SHOC2: variants seen among roughly 807,000 people sequenced by gnomAD.
SHOC2 encodes the protein SHOC2 leucine rich repeat scaffold protein.
SHOC2 carries 4 observed loss-of-function variants against 50.2 expected under a neutral mutation model. The observed-to-expected ratio is 0.08, with a 90% CI of 0.04 to 0.18. SHOC2 has a LOEUF of 0.18. Among genes scored for constraint, SHOC2 ranks in the 10% least tolerant of loss-of-function variants. SHOC2 has a pLI of 1.00. For missense variants in SHOC2, 388 were observed against 669.6 expected (o/e 0.58, Z 4.64); for synonymous variants, 218 against 244.5 (o/e 0.89, Z 1.01).
At chr10:110,953,853 T>G (rs190401447) in intron 1 of SHOC2, among the ~76,000 whole-genome samples, 2,574 of 151,648 alleles carry the variant, frequency 0.017, 30 homozygotes, top group Non-Finnish European at 0.025. Context: ...AATGGATATC[T>G]GGTGATACCT....
At chr10:111,004,555 A>G in intron 4 of SHOC2, 51 bp from the exon 5 acceptor site, 2 of 1,354,742 alleles carry the variant, frequency 1.5e-6, no homozygotes, top group South Asian at 1.2e-5. Context: ...TCTATAAAAA[A>G]TGAGTCTCAT....
chr10:110,963,594 G>T (rs566058364), intron 1 of SHOC2, among the ~76,000 whole-genome samples: 1 of 152,144 alleles, frequency 6.6e-6, no homozygotes, highest in Admixed American at 6.5e-5. Flanking sequence ...ATTAATTGTA[G>T]CTAGAACTGT....
intron 1 of SHOC2, chr10:110,937,263 T>C: frequency 1.2e-6 from 1 of 863,780 alleles, no homozygotes; most frequent in Non-Finnish European, 2.0e-6. Flanking sequence ...AAGCTGCTTT[T>C]TTTTTTTTTG....
chr10:110,939,851 G>A (rs980015501), intron 1 of SHOC2, among the ~76,000 whole-genome samples: 5 of 152,102 alleles, frequency 3.3e-5, no homozygotes, highest in Non-Finnish European at 5.9e-5. Context: ...TTTCCCAATT[G>A]AGCTACATCA....
Position 111,004,730 on chromosome 10 carries a change from G to T in SHOC2, c.1097G>T (p.Arg366Leu), listed in dbSNP as rs1219277268. ...TIYSLNMEHN[R>L]INKIPFGIFS... ...TATTCCCTCAACATGGAACACAATC[G>T]AATCAACAAAATTCCATTTGGAATT... is the stretch of plus-strand genomic sequence containing the variant. Residue 366 changes from arginine to leucine, a missense_variant, in exon 5 of 9, where the codon CGA becomes CTA. By Grantham distance (102) the Arg-to-Leu change is moderately radical. Coordinates refer to ENST00000369452, the MANE Select transcript of SHOC2 (RefSeq NM_007373.4). 1 of 1,613,584 alleles carries T rather than the reference G, an allele frequency of 6.2e-7. No homozygotes were observed. The highest frequency in any genetic ancestry group is 8.5e-7 in the Non-Finnish European group (1 of 1,179,628).
At chr10:110,963,913 T>C (rs1847620735) in intron 1 of SHOC2, among the ~76,000 whole-genome samples, 1 of 152,200 alleles carries the variant, frequency 6.6e-6, no homozygotes, top group South Asian at 2.1e-4. Context: ...CTTACATTCA[T>C]ACATCTTCCT....
At chr10:110,940,742 C>G (rs1847120447) in intron 1 of SHOC2, among the ~76,000 whole-genome samples, 1 of 151,930 alleles carries the variant, frequency 6.6e-6, no homozygotes, top group South Asian at 2.1e-4. Flanking sequence ...TTTTCTTTAA[C>G]AAATTGAGGA....
intron 1 of SHOC2, among the ~76,000 whole-genome samples, chr10:110,933,361 T>C (rs1279788734): frequency 6.6e-6 from 1 of 152,048 alleles, no homozygotes; most frequent in Non-Finnish European, 1.5e-5. Flanking sequence ...AAATTTTATA[T>C]ATATTTATGA....
intron 1 of SHOC2, chr10:110,919,980 C>A: frequency 1.3e-5 from 2 of 149,072 alleles, no homozygotes; most frequent in South Asian, 3.7e-4. Context: ...GCGGGCGGCC[C>A]GGACAGCGCC....
chr10:110,985,837 C>T, intron 3 of SHOC2, 72 bp downstream of exon 3: 2 of 1,314,644 alleles, frequency 1.5e-6, no homozygotes, highest in Non-Finnish European at 1.1e-6. Context: ...ATTTTTGATC[C>T]ATTTGGTAAT....
At position 110,964,340 on chromosome 10, in the gene SHOC2, T is replaced by C. The variant is rs1248461855; in HGVS notation, c.-19T>C. The C allele has an allele frequency of 1.9e-6, 3 of 1,611,380 alleles. No individual in the cohort carries two copies. Among genetic ancestry groups the C allele is most frequent in the Non-Finnish European group, 2.5e-6 (3 of 1,178,650 alleles). On this transcript the variant is annotated 5_prime_UTR_variant, in exon 2 of 9. Coordinates refer to ENST00000369452, the MANE Select transcript of SHOC2 (RefSeq NM_007373.4). The surrounding 1 kb of genome is among the most constrained non-coding windows in gnomAD (Gnocchi z 4.9). ...AAATAAAAGGAGTTCATGTAGTTTT[T>C]GTCCAGGCTTGAGTCACCATGAGTA...
At chr10:110,996,570 A>C (rs1220227042) in intron 3 of SHOC2, among the ~76,000 whole-genome samples, 1 of 151,890 alleles carries the variant, frequency 6.6e-6, no homozygotes, top group Non-Finnish European at 1.5e-5. Context: ...TGGAGAAGGG[A>C]CAAACATGAG....
At chr10:110,931,957 T>C (rs1357777541) in intron 1 of SHOC2, among the ~76,000 whole-genome samples, 1 of 152,112 alleles carries the variant, frequency 6.6e-6, no homozygotes, top group Non-Finnish European at 1.5e-5. Flanking sequence ...AATAATAGCA[T>C]GATAAGTGTT....
intron 1 of SHOC2, among the ~76,000 whole-genome samples, chr10:110,954,016 G>A (rs958664503): frequency 1.3e-5 from 2 of 151,110 alleles, no homozygotes; most frequent in Non-Finnish European, 3.0e-5. Context: ...CCAAAAATTT[G>A]TTGAAAAATT....
rs146938364 is a variant in SHOC2 at position 111,011,001 on chromosome 10, C to T, written c.1541-609C>T. 4.4e-3 allele frequency among the ~76,000 whole-genome samples: 672 copies of T among 152,218 alleles called. 4 individuals are homozygous for T. Among genetic ancestry groups the T allele is most frequent in the African/African-American group, 0.016 (647 of 41,546 alleles). Reference sequence around the variant, plus strand: ...CCTATATTTCTAGTATATTTATTCACCTGATCTCATTTAATTGCTTGAGAC... The same window carrying T: ...CCTATATTTCTAGTATATTTATTCATCTGATCTCATTTAATTGCTTGAGAC... On this transcript the variant is annotated intron_variant, in intron 8 of 8. Transcript: ENST00000369452.
intron 3 of SHOC2, among the ~76,000 whole-genome samples, chr10:110,994,183 G>T (rs1308596186): frequency 6.6e-6 from 1 of 152,108 alleles, no homozygotes; most frequent in Admixed American, 6.5e-5. Flanking sequence ...TTATCAGAAG[G>T]TTTTGAAGTT....
At chr10:111,007,750 T>A in intron 6 of SHOC2, 97 bp downstream of exon 6, 1 of 1,222,874 alleles carries the variant, frequency 8.2e-7, no homozygotes, top group Non-Finnish European at 1.2e-6. Context: ...TTTGGGTGAA[T>A]GTCATAATTA....
In SHOC2 at chr10:110,964,155, C is replaced by G; in HGVS notation, c.-204C>G. 1.5e-6 allele frequency: 1 copy of G among 661,940 alleles called. No homozygotes were observed. The highest frequency in any genetic ancestry group is 2.5e-6 in the Non-Finnish European group (1 of 398,548). The allele number at this position is 661,940 out of a possible 1,614,324, so 41.0% of individuals were successfully genotyped here. ...CTAATGAATCATTGATTGACCAGCA[C>G]TATTTTACCAGTTGGAATGAATGAT... is the stretch of plus-strand genomic sequence containing the variant. On this transcript the variant is annotated 5_prime_UTR_variant, in exon 2 of 9. Transcript: ENST00000369452. This position sits in a 1 kb window ranked among gnomAD's most constrained non-coding sequence, Gnocchi z 4.9.
chr10:110,981,876 T>TATTTCTTTATTTATTTATTATACTC (rs1554859803), intron 2 of SHOC2, among the ~76,000 whole-genome samples: 1 of 135,412 alleles, frequency 7.4e-6, no homozygotes, highest in Admixed American at 7.6e-5. Flanking sequence ...ATTTATTTTT[T>TATTTCTTTATTTATTTATTATACTC]TAAGTTTTAG....
Sources: gnomAD v4.1 joint callset for allele counts (sites outside exome capture counted in the v4.1 genomes callset) on GRCh38, gnomAD v4.1.1 for gene constraint, Gnocchi (gnomAD v3.1) non-coding constraint, MANE v1.5 for transcripts, NCBI Gene and HGNC (gene_info 2026-07-23, HGNC 2026-07-21) for gene names.